The following VIP variants were observed in gnomAD, a reference collection of about 807,000 sequenced individuals.
The protein encoded by VIP is vasoactive intestinal peptide.
A neutral mutation model predicts 20.1 loss-of-function variants in VIP; 18 were observed. The ratio of observed to expected loss-of-function variants is 0.90; its 90% CI spans 0.62 to 1.33. The LOEUF is 1.33. Among genes scored for constraint, VIP ranks in the 40% most tolerant of loss-of-function variants. The pLI, the probability that VIP is intolerant of heterozygous loss-of-function variation, is 0.00. For synonymous variants in VIP, 70 were observed against 68.1 expected (o/e 1.03, Z -0.14); for missense variants, 209 against 199.4 (o/e 1.05, Z -0.29).
rs919369067 is a variant in VIP, at chr6:152,755,334, C to T, written c.296C>T (p.Ala99Val). 6.3e-7 allele frequency: 1 copy of T among 1,592,820 alleles called. No homozygotes were observed. The highest frequency in any genetic ancestry group is 8.6e-7 in the Non-Finnish European group (1 of 1,169,386). Reference protein sequence around the residue: ...DFSKLLGQLSAKKYLESLMGK... With the variant: ...DFSKLLGQLSVKKYLESLMGK... ...AGTAAACTCTTGGGTCAACTTTCTG[C>T]CAAAAAGTACCTTGAGTCTCTTATG... The change falls in exon 4 of 7, where the codon GCC becomes GTC. Residue 99 changes from alanine to valine, a missense_variant. Coordinates refer to ENST00000367244, the MANE Select transcript of VIP (RefSeq NM_003381.4).
At chr6:152,752,418 T>G in intron 2 of VIP, 134 bp downstream of exon 2, 1 of 659,086 alleles carries the variant, frequency 1.5e-6, no homozygotes, top group Non-Finnish European at 2.4e-6. Flanking sequence ...ATGTGTTGAG[T>G]GAGAGGTGTT....
At chr6:152,756,707 A>G (rs1156585414) in intron 5 of VIP, among the ~76,000 whole-genome samples, 2 of 152,020 alleles carry the variant, frequency 1.3e-5, no homozygotes, top group Non-Finnish European at 2.9e-5. Flanking sequence ...AAATTAAACC[A>G]TTAGGTATTT....
chr6:152,752,443 C>T (rs1048760199), intron 2 of VIP, among the ~76,000 whole-genome samples, 159 bp downstream of exon 2: 2 of 152,060 alleles, frequency 1.3e-5, no homozygotes, highest in African/African-American at 4.8e-5. Flanking sequence ...AACATCAGGT[C>T]ATTCTGAGTC....
At chr6:152,752,339 A>G in intron 2 of VIP, 55 bp downstream of exon 2, 1 of 1,440,322 alleles carries the variant, frequency 6.9e-7, no homozygotes, top group African/African-American at 1.4e-5. Context: ...CTAAATGGGA[A>G]TTTCCTATAC....
intron 5 of VIP, among the ~76,000 whole-genome samples, chr6:152,756,488 C>T (rs1198375916): frequency 6.6e-6 from 1 of 151,798 alleles, no homozygotes; most frequent in African/African-American, 2.4e-5. Flanking sequence ...GGTGGTGTGG[C>T]CCTAGACATA....
intron 2 of VIP, among the ~76,000 whole-genome samples, chr6:152,752,770 G>A (rs188329481): frequency 2.0e-5 from 3 of 152,128 alleles, no homozygotes; most frequent in Admixed American, 2.0e-4. Context: ...GAGTCAATTT[G>A]CCAATATTAA....
intron 5 of VIP, among the ~76,000 whole-genome samples, chr6:152,756,714 A>AT (rs2099730479): frequency 6.6e-6 from 1 of 152,006 alleles, no homozygotes; most frequent in Non-Finnish European, 1.5e-5. Context: ...ACCATTAGGT[A>AT]TTTTGTATAT....
chr6:152,755,247 AT>A (rs753082413), intron 3 of VIP, 21 bp from the exon 4 acceptor site: 144 of 1,505,360 alleles, frequency 9.6e-5, no homozygotes, highest in Non-Finnish European at 1.1e-4. Context: ...AATAATAGCT[AT>A]TTTTTTCTTC....
In VIP at chr6:152,755,335, CA is replaced by C; in HGVS notation, c.302del (p.Lys101SerfsTer43). 2 of 1,593,110 alleles carry C rather than the reference CA, an allele frequency of 1.3e-6. No individual in the cohort carries two copies. Among genetic ancestry groups the C allele is most frequent in the South Asian group, 2.3e-5 (2 of 86,716 alleles). ...FSKLLGQLSA[K>X]KYLESLMGKR... is the part of the protein sequence containing the mutation. Reference sequence around the variant, plus strand: ...GTAAACTCTTGGGTCAACTTTCTGCCAAAAAGTACCTTGAGTCTCTTATGGG... The same window carrying C: ...GTAAACTCTTGGGTCAACTTTCTGCCAAAAGTACCTTGAGTCTCTTATGGG... On this transcript the variant is annotated frameshift_variant, in exon 4 of 7. Coordinates refer to ENST00000367244, the MANE Select transcript of VIP (RefSeq NM_003381.4). LOFTEE classifies it high-confidence loss of function.
chr6:152,754,184 C>T lies in VIP; in HGVS notation c.126C>T (p.Pro42=). The T allele has an allele frequency of 6.2e-7, 1 of 1,611,046 alleles. No individual in the cohort carries two copies. Among genetic ancestry groups the T allele is most frequent in the Non-Finnish European group, 8.5e-7 (1 of 1,178,466 alleles). ...CCATCAGGTTGGGTGACAGAATACC[C>T]TTTGAGGGAGCAAATGAACCTGATC... The part of the protein sequence containing the change: ...PSALRLGDRI[P]FEGANEPDQV... Residue 42 remains proline, a synonymous_variant, in exon 3 of 7, where the codon CCC becomes CCT. Coordinates refer to ENST00000367244, the MANE Select transcript of VIP (RefSeq NM_003381.4).
Position 152,759,201 on chromosome 6 carries a change from C to T in VIP, c.*335C>T, listed in dbSNP as rs1265355306. Reference sequence around the variant, plus strand: ...CTAGGTTAATTCCAATTATATGAGACGTTTTTGGAAGAGTAGTAATAGAGC... The same window carrying T: ...CTAGGTTAATTCCAATTATATGAGATGTTTTTGGAAGAGTAGTAATAGAGC... On this transcript the variant is annotated 3_prime_UTR_variant, in exon 7 of 7. Transcript: ENST00000367244. 2 of 151,864 alleles carry T rather than the reference C, an allele frequency of 1.3e-5. No individual in the cohort carries two copies. Among genetic ancestry groups the T allele is most frequent in the Non-Finnish European group, 2.9e-5 (2 of 67,912 alleles). The allele number at this position is 151,864 out of a possible 1,614,324, so 9.4% of individuals were successfully genotyped here.
intron 2 of VIP, among the ~76,000 whole-genome samples, chr6:152,753,676 C>T (rs946963892): frequency 1.3e-4 from 19 of 151,324 alleles, no homozygotes; most frequent in Non-Finnish European, 2.2e-4. Flanking sequence ...GCTTGGGGGT[C>T]GAGAGAGAGA....
chr6:152,756,550 A>C (rs955644833), intron 5 of VIP, among the ~76,000 whole-genome samples: 4 of 151,988 alleles, frequency 2.6e-5, no homozygotes, highest in African/African-American at 9.7e-5. Context: ...CAGTGTTAAA[A>C]ATGATGACTA....
chr6:152,759,396 T>G lies in VIP; in HGVS notation c.*530T>G, dbSNP rs2099730899. 1 of 151,994 alleles carries G rather than the reference T, an allele frequency of 6.6e-6. No individual in the cohort carries two copies. The highest frequency in any genetic ancestry group is 1.5e-5 in the Non-Finnish European group (1 of 67,954). 9.4% of individuals were successfully genotyped at this position (151,994 alleles called of 1,614,324 possible). A position where few individuals can be genotyped will look rare whatever the true frequency, so the allele number is the denominator to read the frequency against. ...AAAAAGACATTCTTCCAAAAAGATT[T>G]TCAGAAAATATTATGTGTTTCCATA... On this transcript the variant is annotated 3_prime_UTR_variant, in exon 7 of 7. Transcript: ENST00000367244.
intron 4 of VIP, 55 bp downstream of exon 4, chr6:152,755,428 T>C: frequency 8.9e-7 from 1 of 1,117,832 alleles, no homozygotes; most frequent in Non-Finnish European, 1.2e-6. Context: ...AATCTGAATA[T>C]TGTATTTTCA....
intron 6 of VIP, 30 bp from the exon 7 acceptor site, chr6:152,758,880 T>G (rs939029912): frequency 6.6e-6 from 1 of 152,164 alleles, no homozygotes; most frequent in Admixed American, 6.6e-5. Context: ...ATATATTTTA[T>G]GCCTAAAGCA....
intron 4 of VIP, 48 bp downstream of exon 4, chr6:152,755,421 C>T: frequency 1.7e-6 from 2 of 1,165,106 alleles, no homozygotes; most frequent in East Asian, 5.5e-5. Context: ...ATTATTCAAT[C>T]TGAATATTGT....
Position 152,755,330 on chromosome 6 carries a change from T to A in VIP, c.292T>A (p.Ser98Thr). 6.3e-7 allele frequency: 1 copy of A among 1,595,178 alleles called. No individual in the cohort carries two copies. Among genetic ancestry groups the A allele is most frequent in the Non-Finnish European group, 8.5e-7 (1 of 1,170,642 alleles). ...SDFSKLLGQL[S>T]AKKYLESLMG... ...CTTCAGTAAACTCTTGGGTCAACTTTCTGCCAAAAAGTACCTTGAGTCTCT... is the reference window on the plus strand; with the variant it reads ...CTTCAGTAAACTCTTGGGTCAACTTACTGCCAAAAAGTACCTTGAGTCTCT... Residue 98 changes from serine (S) to threonine (T), a missense_variant, in exon 4 of 7, where the codon TCT becomes ACT. Ser to Thr is a moderately conservative substitution (Grantham distance 58). Transcript: ENST00000367244.
chr6:152,754,701 G>C (rs1314174797), intron 3 of VIP, among the ~76,000 whole-genome samples: 2 of 151,980 alleles, frequency 1.3e-5, no homozygotes, highest in Non-Finnish European at 2.9e-5. Flanking sequence ...TACAGACCAA[G>C]TAGCTCTATA....
Sources: gnomAD v4.1 joint callset for allele counts (sites outside exome capture counted in the v4.1 genomes callset) on GRCh38, gnomAD v4.1.1 for gene constraint, MANE v1.5 for transcripts, NCBI Gene and HGNC (gene_info 2026-07-23, HGNC 2026-07-21) for gene names.